Variants in FAM171A1 observed in about 807,000 individuals in gnomAD.
The protein encoded by FAM171A1 is family with sequence similarity 171 member A1.
In FAM171A1, 23 loss-of-function variants were observed where a neutral mutation model predicts 74.9. The ratio of observed to expected loss-of-function variants is 0.31; its 90% confidence interval spans 0.22 to 0.44. The LOEUF is 0.44. Ranked by LOEUF, FAM171A1 falls within the 20% of genes least tolerant of loss-of-function variation. The pLI, the probability that FAM171A1 is intolerant of heterozygous loss-of-function variation, is 1.00. For missense variants in FAM171A1, 1,162 were observed against 1,159.2 expected (o/e 1.00, Z -0.03); for synonymous variants, 527 against 505.7 (o/e 1.04, Z -0.57).
At chr10:15,343,517 G>A (rs1835787708) in intron 1 of FAM171A1, among the ~76,000 whole-genome samples, 1 of 152,186 alleles carries the variant, frequency 6.6e-6, no homozygotes, top group Non-Finnish European at 1.5e-5. Context: ...ACAGACCTGG[G>A]ACAGGAGAAC....
upstream of FAM171A1, among the ~76,000 whole-genome samples, chr10:15,374,193 A>C (rs1836178812): frequency 6.6e-6 from 1 of 152,210 alleles, no homozygotes; most frequent in Non-Finnish European, 1.5e-5. Context: ...TCATAGCAAC[A>C]CTGAGTCTTG....
At chr10:15,325,989 T>A (rs1246076717) in intron 1 of FAM171A1, among the ~76,000 whole-genome samples, 2 of 152,190 alleles carry the variant, frequency 1.3e-5, no homozygotes, top group Non-Finnish European at 2.9e-5. Context: ...CATCGCTACA[T>A]CAAATCACAT....
chr10:15,351,996 T>C (rs1315108731), intron 1 of FAM171A1, among the ~76,000 whole-genome samples: 1 of 151,432 alleles, frequency 6.6e-6, no homozygotes, highest in Non-Finnish European at 1.5e-5. Context: ...AAGACCATAA[T>C]GGGCAACATG....
At chr10:15,264,389 C>A (rs1046263154) in intron 3 of FAM171A1, among the ~76,000 whole-genome samples, 1 of 151,902 alleles carries the variant, frequency 6.6e-6, no homozygotes, top group Non-Finnish European at 1.5e-5. Flanking sequence ...CATGTCTGAG[C>A]AGGCAAGAAT....
At chr10:15,270,423 C>T in intron 3 of FAM171A1, among the ~76,000 whole-genome samples, 1 of 152,194 alleles carries the variant, frequency 6.6e-6, no homozygotes, top group Non-Finnish European at 1.5e-5. Flanking sequence ...AGGAGGCCTG[C>T]CTGCCTCTGT....
chr10:15,283,270 C>G (rs1271352074), intron 2 of FAM171A1, among the ~76,000 whole-genome samples: 1 of 152,222 alleles, frequency 6.6e-6, no homozygotes, highest in Non-Finnish European at 1.5e-5. Flanking sequence ...TGCTCTGTCA[C>G]CAGCTGAAAA....
At chr10:15,334,360 GA>G (rs1330422641) in intron 1 of FAM171A1, among the ~76,000 whole-genome samples, 6 of 152,204 alleles carry the variant, frequency 3.9e-5, no homozygotes, top group African/African-American at 1.4e-4. Context: ...GCTGCTCTGG[GA>G]ATCAGGAGAT....
chr10:15,272,838 A>C (rs1220384580), intron 3 of FAM171A1, among the ~76,000 whole-genome samples: 1 of 152,240 alleles, frequency 6.6e-6, no homozygotes, highest in Non-Finnish European at 1.5e-5. Flanking sequence ...TTTCTTTGAA[A>C]CCAATGAGAA....
rs754916707 is a variant in FAM171A1, at chr10:15,213,865, T to A, written c.1723A>T (p.Arg575Trp). ...ATGACCAAGGCAGGCAGTACTTTCCTGTAAACGCTGTCATTGACCTGGTCG... is the reference window on the plus strand; with the variant it reads ...ATGACCAAGGCAGGCAGTACTTTCCAGTAAACGCTGTCATTGACCTGGTCG... The part of the protein sequence containing the change: ...SVDQVNDSVY[R>W]KVLPALVIPA... Residue 575 changes from arginine (R) to tryptophan (W), a missense_variant, in exon 8 of 8, where the codon AGG becomes TGG. Transcript: ENST00000378116. This position sits in a 1 kb window ranked among gnomAD's most constrained non-coding sequence, Gnocchi z 6.8. 1.2e-6 allele frequency: 2 copies of A among 1,614,044 alleles called. No homozygotes were observed. The highest frequency in any genetic ancestry group is 1.7e-5 in the Admixed American group (1 of 60,008).
intron 1 of FAM171A1, among the ~76,000 whole-genome samples, chr10:15,290,138 G>C (rs191115644): frequency 3.3e-5 from 5 of 151,990 alleles, no homozygotes; most frequent in Admixed American, 6.6e-5. Context: ...TGAGGCCGGA[G>C]AATTGCTTGA....
At chr10:15,337,044 ATTT>A (rs778973685) in intron 1 of FAM171A1, among the ~76,000 whole-genome samples, 2 of 136,912 alleles carry the variant, frequency 1.5e-5, no homozygotes, top group Admixed American at 7.2e-5. Context: ...ACAGTTGGCT[ATTT>A]TTTTTTTTTT....
Position 15,216,831 on chromosome 10 carries a change from T to C in FAM171A1, c.872-721A>G, listed in dbSNP as rs4417167. Among the ~76,000 whole-genome samples the C allele has an allele frequency of 5.9e-3, 457 of 77,216 alleles. 2 individuals are homozygous for C. Among genetic ancestry groups the C allele is most frequent in the African/African-American group, 0.044 (421 of 9,666 alleles). 50.7% of individuals were successfully genotyped at this position (77,216 alleles called of 152,430 possible). ...CCTATCTGGGAATTTTATATTGCAG[T>C]GAAAAAAAAAAAAAAAACCCTACAA... is the stretch of plus-strand genomic sequence containing the variant. On this transcript the variant is annotated intron_variant, in intron 6 of 7. Transcript: ENST00000378116.
chr10:15,359,214 T>C (rs1185191146), intron 1 of FAM171A1, among the ~76,000 whole-genome samples: 2 of 152,164 alleles, frequency 1.3e-5, no homozygotes, highest in African/African-American at 2.4e-5. Flanking sequence ...AGCAGACAAA[T>C]CAATATTGAC....
chr10:15,294,561 C>T (rs1174723062), intron 1 of FAM171A1, among the ~76,000 whole-genome samples: 2 of 152,242 alleles, frequency 1.3e-5, no homozygotes, highest in African/African-American at 4.8e-5. Context: ...CAGAGCTCCT[C>T]TGCTCTTGGC....
intron 1 of FAM171A1, among the ~76,000 whole-genome samples, chr10:15,336,202 T>C (rs928301912): frequency 1.3e-5 from 2 of 152,150 alleles, no homozygotes; most frequent in African/African-American, 2.4e-5. Context: ...CCTAGAGTCA[T>C]ACCAGGATGG....
upstream of FAM171A1, among the ~76,000 whole-genome samples, chr10:15,371,397 G>A (rs1338343341): frequency 6.9e-6 from 1 of 145,812 alleles, no homozygotes; most frequent in Non-Finnish European, 1.5e-5. Flanking sequence ...GCCCGGCGCC[G>A]CTGCGTCGCG....
At chr10:15,265,661 T>A (rs1235471610) in intron 3 of FAM171A1, among the ~76,000 whole-genome samples, 1 of 151,816 alleles carries the variant, frequency 6.6e-6, no homozygotes, top group Non-Finnish European at 1.5e-5. Context: ...ATTTTGATTT[T>A]TTTTTTTGTA....
At chr10:15,333,291 C>T (rs1169790900) in intron 1 of FAM171A1, among the ~76,000 whole-genome samples, 16 of 151,902 alleles carry the variant, frequency 1.1e-4, no homozygotes, top group Non-Finnish European at 1.6e-4. Context: ...GTCAGGAGTT[C>T]GAGACCAGCC....
intron 3 of FAM171A1, 124 bp downstream of exon 3, chr10:15,275,731 A>T: frequency 1.8e-6 from 1 of 546,686 alleles, no homozygotes; most frequent in Non-Finnish European, 3.1e-6. Flanking sequence ...ATGATGGGTT[A>T]ATGTGTTTGA....
Sources: gnomAD v4.1 joint callset for allele counts (sites outside exome capture counted in the v4.1 genomes callset) on GRCh38, gnomAD v4.1.1 for gene constraint, Gnocchi (gnomAD v3.1) non-coding constraint, MANE v1.5 for transcripts, NCBI Gene and HGNC (gene_info 2026-07-23, HGNC 2026-07-21) for gene names.